Variants in DRC12 observed in about 807,000 individuals in gnomAD.
DRC12 encodes dynein regulatory complex protein 12.
At chr11:119,195,411 C>T in the DRC12 span, 8 of 1,550,634 alleles carry the variant, frequency 5.2e-6, no homozygotes, top group South Asian at 8.3e-5. Flanking sequence ...CACCTCCACC[C>T]ACCATGACTC....
the DRC12 span, chr11:119,194,940 A>G: frequency 6.4e-7 from 1 of 1,551,460 alleles, no homozygotes; most frequent in African/African-American, 1.4e-5. Context: ...GTCTCGGAGC[A>G]GCTCCTTCTC....
the DRC12 span, chr11:119,190,971 C>T: frequency 1.8e-6 from 2 of 1,101,056 alleles, no homozygotes; most frequent in East Asian, 2.5e-5. This position sits in a 1 kb window ranked among gnomAD's most constrained non-coding sequence, Gnocchi z 4.2. Context: ...AAATTTCCCG[C>T]AGTCCCTGTA....
the DRC12 span, chr11:119,193,865 G>C: frequency 6.4e-7 from 1 of 1,551,434 alleles, no homozygotes; most frequent in Non-Finnish European, 8.7e-7. Flanking sequence ...TTGGCTCGAC[G>C]GGCTTCATCC....
At chr11:119,195,517 C>T in the DRC12 span, 4 of 1,527,770 alleles carry the variant, frequency 2.6e-6, no homozygotes, top group Non-Finnish European at 8.9e-7. Flanking sequence ...AAGGAGGGGA[C>T]CTTATGTTTA....
chr11:119,193,553 AG>A, the DRC12 span: 3 of 1,422,606 alleles, frequency 2.1e-6, no homozygotes, highest in Non-Finnish European at 1.8e-6. Flanking sequence ...ACATGGCACC[AG>A]GCATCCTGGA....
At chr11:119,191,921 C>T in the DRC12 span, among the ~76,000 whole-genome samples, 1 of 151,720 alleles carries the variant, frequency 6.6e-6, no homozygotes, top group South Asian at 2.1e-4. Flanking sequence ...GGAAAGGAAC[C>T]CAGAGTCTGA....
chr11:119,193,337 G>A, the DRC12 span: 3 of 1,089,976 alleles, frequency 2.8e-6, no homozygotes, highest in Admixed American at 3.6e-5. Context: ...ACTCTACTTG[G>A]TCTAGTGGAA....
At chr11:119,190,374 T>C in the DRC12 span, 7 of 1,613,960 alleles carry the variant, frequency 4.3e-6, no homozygotes, top group Admixed American at 1.0e-4. This position sits in a 1 kb window ranked among gnomAD's most constrained non-coding sequence, Gnocchi z 4.2. Context: ...TCCTTGTGCC[T>C]GGCGTGAAGT....
At chr11:119,193,174 A>C in the DRC12 span, 50 of 1,613,860 alleles carry the variant, frequency 3.1e-5, no homozygotes, top group East Asian at 1.1e-3. Context: ...AAGGCCTTTG[A>C]CTTCTTCCTC....
chr11:119,193,526 C>A, the DRC12 span: 1 of 1,336,236 alleles, frequency 7.5e-7, no homozygotes. Flanking sequence ...GCATGTGTAT[C>A]CTACACAGCA....
the DRC12 span, among the ~76,000 whole-genome samples, chr11:119,192,716 G>A: frequency 6.6e-6 from 1 of 151,918 alleles, no homozygotes; most frequent in Non-Finnish European, 1.5e-5. Flanking sequence ...GCGTGATCTC[G>A]GCTCACTGCA....
chr11:119,192,009 T>C, the DRC12 span, among the ~76,000 whole-genome samples: 1 of 149,764 alleles, frequency 6.7e-6, no homozygotes, highest in Admixed American at 6.7e-5. Context: ...GGAATCTTAC[T>C]CTGTTGCCGA....
the DRC12 span, among the ~76,000 whole-genome samples, chr11:119,194,542 A>AAAT: frequency 1.0e-3 from 48 of 48,152 alleles, no homozygotes; most frequent in African/African-American, 3.4e-3. Flanking sequence ...AAAAAAAAAA[A>AAAT]AAATAAATAA....
the DRC12 span, chr11:119,193,628 T>C: frequency 1.4e-6 from 2 of 1,457,204 alleles, no homozygotes; most frequent in Non-Finnish European, 1.8e-6. Flanking sequence ...CTTCCTGATT[T>C]GTACTGTTTG....
At chr11:119,194,847 C>T in the DRC12 span, 8 of 1,160,362 alleles carry the variant, frequency 6.9e-6, no homozygotes, top group Non-Finnish European at 9.9e-6. Context: ...CTCCAACTCT[C>T]CAATCCCCCA....
the DRC12 span, chr11:119,194,953 G>C: frequency 6.4e-7 from 1 of 1,551,408 alleles, no homozygotes; most frequent in Non-Finnish European, 8.7e-7. Flanking sequence ...TCCTTCTCCA[G>C]CACCACCAGC....
chr11:119,190,476 C>T, the DRC12 span: 2 of 1,613,442 alleles, frequency 1.2e-6, no homozygotes, highest in Non-Finnish European at 1.7e-6. This position sits in a 1 kb window ranked among gnomAD's most constrained non-coding sequence, Gnocchi z 4.2. Context: ...TATTTCAGAC[C>T]CCAGAAAGAG....
the DRC12 span, chr11:119,193,540 A>G: frequency 2.1e-6 from 3 of 1,400,926 alleles, no homozygotes; most frequent in Non-Finnish European, 2.8e-6. Context: ...CACAGCATCA[A>G]GCACATGGCA....
At chr11:119,190,558 C>G in the DRC12 span, 1 of 1,558,872 alleles carries the variant, frequency 6.4e-7, no homozygotes. The surrounding 1 kb of genome is among the most constrained non-coding windows in gnomAD (Gnocchi z 4.2). Flanking sequence ...ATGGTCGTAT[C>G]CCCTCTGTCT....
Sources: allele counts gnomAD v4.1 joint callset (sites outside exome capture counted in the v4.1 genomes callset), GRCh38; gene constraint gnomAD v4.1.1; non-coding constraint Gnocchi (gnomAD v3.1); transcripts MANE v1.5; gene names NCBI Gene and HGNC (gene_info 2026-07-23, HGNC 2026-07-21).